The following CEMIP variants were observed in gnomAD, a reference collection of about 807,000 sequenced individuals.
The protein encoded by CEMIP is cell migration inducing hyaluronidase 1.
Under a neutral mutation model 156.9 loss-of-function variants are expected in CEMIP, and 105 were observed. That is an observed-to-expected ratio of 0.67 (90% CI 0.57 to 0.79). CEMIP has a LOEUF of 0.79. Ranked by LOEUF, CEMIP falls within the 30% of genes least tolerant of loss-of-function variation. The pLI, the probability that CEMIP is intolerant of heterozygous loss-of-function variation, is 0.00. For synonymous variants in CEMIP, 676 were observed against 668.4 expected (o/e 1.01, Z -0.17); for missense variants, 1,457 against 1,769.4 (o/e 0.82, Z 3.17).
intron 19 of CEMIP, among the ~76,000 whole-genome samples, chr15:80,927,245 T>G (rs1006558193): frequency 2.6e-5 from 4 of 152,202 alleles, no homozygotes; most frequent in African/African-American, 9.6e-5. Flanking sequence ...GGGGCAGGGT[T>G]GTTCTGATTG....
At chr15:80,818,909 C>G (rs1896850449) in intron 1 of CEMIP, among the ~76,000 whole-genome samples, 2 of 152,222 alleles carry the variant, frequency 1.3e-5, no homozygotes, top group Admixed American at 1.3e-4. Flanking sequence ...AAGGATTTGC[C>G]TACAGAGATC....
rs139680841 is a variant in CEMIP at position 80,881,044 on chromosome 15, A to T, written c.525A>T (p.Glu175Asp). ...NKTLHPGGMA[E>D]GGYFFERSWG... ...CCCTTCACCCAGGTGGCATGGCAGAAGGAGGCTATTTTTTTGAAAGGAGCT... is the reference window on the plus strand; with the variant it reads ...CCCTTCACCCAGGTGGCATGGCAGATGGAGGCTATTTTTTTGAAAGGAGCT... The change falls in exon 6 of 30, where the codon GAA becomes GAT. Residue 175 changes from glutamate to aspartate, a missense_variant. Glu to Asp is a conservative substitution (Grantham distance 45). This residue lies in a region of CEMIP where 309 missense variants were observed against 340.8 expected (regional missense o/e 0.91). Coordinates refer to ENST00000394685, the MANE Select transcript of CEMIP (RefSeq NM_001293298.2). 1.2e-6 allele frequency: 2 copies of T among 1,614,220 alleles called. No homozygotes were observed. The highest frequency in any genetic ancestry group is 2.7e-5 in the African/African-American group (2 of 75,056).
chr15:80,938,220 A>G (rs1225524535), intron 25 of CEMIP: 3 of 485,096 alleles, frequency 6.2e-6, no homozygotes, highest in South Asian at 2.3e-5. Context: ...GAATTTACAT[A>G]TTTCAGAAAA....
intron 8 of CEMIP, 120 bp from the exon 9 acceptor site, chr15:80,888,581 A>T (rs1415131533): frequency 9.5e-6 from 7 of 740,728 alleles, no homozygotes; most frequent in Non-Finnish European, 1.4e-5. Context: ...TTACTTAAAA[A>T]ATATTTTTAA....
intron 1 of CEMIP, among the ~76,000 whole-genome samples, chr15:80,786,604 A>C (rs1273674937): frequency 1.5e-5 from 2 of 132,334 alleles, no homozygotes; most frequent in East Asian, 4.5e-4. Flanking sequence ...GTCCATCAAC[A>C]ATTTTCAGTG....
intron 1 of CEMIP, among the ~76,000 whole-genome samples, chr15:80,855,988 G>A (rs1450295820): frequency 6.6e-6 from 1 of 152,216 alleles, no homozygotes; most frequent in African/African-American, 2.4e-5. Context: ...CCAAAAACAT[G>A]CTGAGTGAAA....
intron 26 of CEMIP, 50 bp downstream of exon 26, chr15:80,942,103 T>C (rs191073997): frequency 1.9e-6 from 3 of 1,578,554 alleles, no homozygotes; most frequent in Non-Finnish European, 1.7e-6. Flanking sequence ...CAGTCGGGCC[T>C]AGAGCCCTTT....
At chr15:80,800,980 T>C (rs1896360952) in intron 1 of CEMIP, among the ~76,000 whole-genome samples, 1 of 152,214 alleles carries the variant, frequency 6.6e-6, no homozygotes, top group South Asian at 2.1e-4. Context: ...CCTTCTGTTT[T>C]AGACTCTAGC....
intron 1 of CEMIP, among the ~76,000 whole-genome samples, chr15:80,845,297 G>A (rs578203269): frequency 3.3e-5 from 5 of 152,238 alleles, no homozygotes; most frequent in African/African-American, 1.2e-4. Context: ...CAGGCGTGGT[G>A]GTGCATGCCT....
At chr15:80,803,632 A>C (rs911175037) in intron 1 of CEMIP, among the ~76,000 whole-genome samples, 11 of 152,180 alleles carry the variant, frequency 7.2e-5, no homozygotes, top group African/African-American at 2.4e-4. Context: ...AGCTCCATGC[A>C]GTTGGTTCTA....
At chr15:80,884,525 T>C (rs1898770826) in intron 7 of CEMIP, among the ~76,000 whole-genome samples, 171 bp downstream of exon 7, 1 of 152,242 alleles carries the variant, frequency 6.6e-6, no homozygotes, top group African/African-American at 2.4e-5. Context: ...TGGGAATTGT[T>C]CTTAAAGAAT....
chr15:80,780,623 A>G (rs1895765558), intron 1 of CEMIP, among the ~76,000 whole-genome samples: 1 of 152,130 alleles, frequency 6.6e-6, no homozygotes. Context: ...CCCTTTAAAA[A>G]CTAATCTTCT....
At chr15:80,909,399 C>A in intron 14 of CEMIP, 93 bp downstream of exon 14, 1 of 1,291,576 alleles carries the variant, frequency 7.7e-7, no homozygotes, top group Non-Finnish European at 1.1e-6. Flanking sequence ...AATCCAGGGC[C>A]TTTGGGGATT....
At chr15:80,814,010 C>T (rs1268756631) in intron 1 of CEMIP, among the ~76,000 whole-genome samples, 1 of 150,356 alleles carries the variant, frequency 6.7e-6, no homozygotes, top group Non-Finnish European at 1.5e-5. Context: ...CACCCTCTCC[C>T]ATCCATAAAA....
chr15:80,862,019 A>G (rs1038137288), intron 1 of CEMIP, among the ~76,000 whole-genome samples: 6 of 152,212 alleles, frequency 3.9e-5, no homozygotes, highest in Non-Finnish European at 5.9e-5. Context: ...CTGGGAATAA[A>G]AAGGCTCATG....
At chr15:80,834,318 G>A (rs1456225367) in intron 1 of CEMIP, among the ~76,000 whole-genome samples, 2 of 152,202 alleles carry the variant, frequency 1.3e-5, no homozygotes, top group African/African-American at 4.8e-5. Context: ...GTGTAGTCCA[G>A]TTACCAATCT....
At chr15:80,820,723 T>G (rs780211795) in intron 1 of CEMIP, among the ~76,000 whole-genome samples, 1 of 152,230 alleles carries the variant, frequency 6.6e-6, no homozygotes, top group Non-Finnish European at 1.5e-5. Flanking sequence ...TAGGTAACTG[T>G]AGTTAAGTCC....
At chr15:80,813,372 C>A (rs1436075979) in intron 1 of CEMIP, among the ~76,000 whole-genome samples, 3 of 137,638 alleles carry the variant, frequency 2.2e-5, no homozygotes, top group Non-Finnish European at 4.6e-5. Context: ...TTTTTTTTGA[C>A]GGAGTCTCAC....
chr15:80,821,731 C>G (rs781234076), intron 1 of CEMIP, among the ~76,000 whole-genome samples: 1 of 152,184 alleles, frequency 6.6e-6, no homozygotes, highest in Non-Finnish European at 1.5e-5. Context: ...GGAACTTCTT[C>G]TAATGGGCTA....
Sources: allele counts gnomAD v4.1 joint callset (sites outside exome capture counted in the v4.1 genomes callset), GRCh38; gene constraint gnomAD v4.1.1; regional missense constraint gnomAD v4.1.1; transcripts MANE v1.5; gene names NCBI Gene and HGNC (gene_info 2026-07-23, HGNC 2026-07-21).